The following B3GAT3 variants were observed in gnomAD, a reference collection of about 807,000 sequenced individuals.
B3GAT3 encodes beta-1,3-glucuronyltransferase 3.
A neutral mutation model predicts 33.1 loss-of-function variants in B3GAT3; 19 were observed. The ratio of observed to expected loss-of-function variants is 0.57; its 90% CI spans 0.40 to 0.84. The LOEUF (loss-of-function observed/expected upper bound fraction) is 0.84. Ranked by LOEUF, B3GAT3 falls within the 40% of genes least tolerant of loss-of-function variation. The probability of loss-of-function intolerance (pLI) is 0.00; values close to 1 mark genes in which losing one functional copy is unlikely to be tolerated. For synonymous variants in B3GAT3, 167 were observed against 193.5 expected (o/e 0.86, Z 1.14); for missense variants, 344 against 441.5 (o/e 0.78, Z 1.98).
At position 62,616,262 on chromosome 11, in the gene B3GAT3, CA is replaced by C. The variant is rs1943024552; in HGVS notation, c.909+243del. On this transcript the variant is annotated intron_variant, in intron 4 of 4. Transcript: ENST00000265471. ...CTGTCTGAAAAAAAAAAAAAAACAA[CA>C]AACAGGGCCTTATTCCTTCATCCTC... 1.0e-5 allele frequency: 6 copies of C among 594,988 alleles called. No individual in the cohort carries two copies. The East Asian group carries it at 1.5e-4, about 15-fold the overall frequency. 36.9% of individuals were successfully genotyped at this position (594,988 alleles called of 1,614,324 possible). A position where few individuals can be genotyped will look rare whatever the true frequency, so the allele number is the denominator to read the frequency against.
chr11:62,616,379 G>C, intron 4 of B3GAT3, 127 bp downstream of exon 4: 8 of 1,383,350 alleles, frequency 5.8e-6, no homozygotes, highest in Non-Finnish European at 8.1e-6. Context: ...AGTAGAGTCA[G>C]CAAGGCTGAT....
At chr11:62,620,045 T>TG (rs1460045743) in intron 2 of B3GAT3, among the ~76,000 whole-genome samples, 1 of 152,156 alleles carries the variant, frequency 6.6e-6, no homozygotes, top group Non-Finnish European at 1.5e-5. Flanking sequence ...GTTTTTGAGA[T>TG]GGAGTTTCAC....
intron 1 of B3GAT3, chr11:62,621,284 G>A (rs1943139819): frequency 4.4e-6 from 2 of 456,502 alleles, no homozygotes; most frequent in Admixed American, 2.3e-5. Flanking sequence ...TTTAGTGGAG[G>A]AAGCAGACAC....
At position 62,616,552 on chromosome 11, in the gene B3GAT3, A is replaced by G; in HGVS notation, c.863T>C (p.Leu288Pro). ...TGGCTCCAGGTCCTTGGGATCCACA[A>G]GGTGGCTCAGAAGACTGCTCTCCAG... ...GHLESSLLSH[L>P]VDPKDLEPRA... is the part of the protein sequence containing the mutation. Residue 288 changes from leucine to proline, a missense_variant, in exon 4 of 5, where the codon CTT (leucine) becomes CCT (proline). Transcript: ENST00000265471. 1 of 1,614,234 alleles carries G rather than the reference A, an allele frequency of 6.2e-7. No homozygotes were observed. Among genetic ancestry groups the G allele is most frequent in the Non-Finnish European group, 8.5e-7 (1 of 1,180,038 alleles).
At chr11:62,616,847 C>A (rs757000185) in intron 3 of B3GAT3, 51 bp from the exon 4 acceptor site, 1 of 1,612,790 alleles carries the variant, frequency 6.2e-7, no homozygotes, top group Admixed American at 1.7e-5. Context: ...GGGAAGGGAG[C>A]AGCAGAAAGA....
chr11:62,615,819 G>A lies in B3GAT3; in HGVS notation c.910-20C>T. On this transcript the variant is annotated intron_variant, in intron 4 of 4. Coordinates refer to ENST00000265471, the MANE Select transcript of B3GAT3 (RefSeq NM_012200.4). ...CAGTACCTGTGCCAGGAGGGATGCA[G>A]TGAGAGCCAGGCCCAGCTGCAGCCA... 6.2e-7 allele frequency: 1 copy of A among 1,612,270 alleles called. No homozygotes were observed.
Position 62,620,415 on chromosome 11 carries a change from G to A in B3GAT3, c.257+82C>T. The stretch of plus-strand genomic sequence containing the variant: ...GCTCTAGTTTGAGGAACAACTCCTA[G>A]CCCAGTGCCTCCCCAAACTCCTCAT... On this transcript the variant is annotated intron_variant, in intron 2 of 4. Transcript: ENST00000265471. 4 of 1,320,244 alleles carry A rather than the reference G, an allele frequency of 3.0e-6. No homozygotes were observed. In the South Asian group the frequency reaches 4.9e-5, roughly 16 times the overall value. 81.8% of individuals were successfully genotyped at this position (1,320,244 alleles called of 1,614,324 possible).
chr11:62,619,868 G>A (rs1024439023), intron 2 of B3GAT3, among the ~76,000 whole-genome samples: 9 of 151,128 alleles, frequency 6.0e-5, no homozygotes, highest in Non-Finnish European at 1.2e-4. Context: ...TTAATCAGGG[G>A]GTTTTAACTT....
rs761418638 is a variant in B3GAT3, at chr11:62,617,070, T to C, written c.535A>G (p.Lys179Glu). ...RGRGGAVGGEKDPPPPGTQGV... is the reference protein window; with the variant it reads ...RGRGGAVGGEEDPPPPGTQGV... ...TGGGTCCCTGGTGGTGGTGGGTCCTTCTCCCCACCCACAGCACCCCCTCTG... is the reference window on the plus strand; with the variant it reads ...TGGGTCCCTGGTGGTGGTGGGTCCTCCTCCCCACCCACAGCACCCCCTCTG... Residue 179 changes from lysine to glutamate, a missense_variant, in exon 3 of 5, where the codon AAG (lysine) becomes GAG (glutamate). Physicochemically the swap from Lys to Glu is moderately conservative, Grantham distance 56. Transcript: ENST00000265471. The C allele has an allele frequency of 6.2e-7, 1 of 1,613,950 alleles. No individual in the cohort carries two copies. The highest frequency in any genetic ancestry group is 8.5e-7 in the Non-Finnish European group (1 of 1,179,976).
rs755306273 is a variant in B3GAT3, at chr11:62,620,477, G to C, written c.257+20C>G. The C allele has an allele frequency of 1.2e-6, 2 of 1,610,216 alleles. No individual in the cohort carries two copies. Among genetic ancestry groups the C allele is most frequent in the East Asian group, 2.2e-5 (1 of 44,862 alleles). ...ACTTCTTGGACAACGCAGACCTCTT[G>C]AGTGCACCAGAGCCCATACCTGGCA... is the stretch of plus-strand genomic sequence containing the variant. On this transcript the variant is annotated intron_variant, in intron 2 of 4. Transcript: ENST00000265471.
chr11:62,616,701 G>C lies in B3GAT3; in HGVS notation c.714C>G (p.Gly238=). The C allele has an allele frequency of 6.2e-7, 1 of 1,614,162 alleles. No individual in the cohort carries two copies. ...TGCTGGGCTCCCATGCTGTGTGGAA[G>C]CCCACTACCCGGCCGTCCTGTACCT... is the stretch of plus-strand genomic sequence containing the variant. ...GPQVQDGRVV[G]FHTAWEPSRP... is the part of the protein sequence containing the mutation. The change falls in exon 4 of 5, where the codon GGC becomes GGG. Residue 238 remains glycine, a synonymous_variant. Coordinates refer to ENST00000265471, the MANE Select transcript of B3GAT3 (RefSeq NM_012200.4).
chr11:62,620,286 G>C (rs1303905588), intron 2 of B3GAT3, among the ~76,000 whole-genome samples: 1 of 152,262 alleles, frequency 6.6e-6, no homozygotes, highest in East Asian at 1.9e-4. Context: ...GCCTCCCAAA[G>C]TGCTGGGATT....
chr11:62,618,155 C>T (rs528801379), intron 2 of B3GAT3, among the ~76,000 whole-genome samples: 10 of 109,650 alleles, frequency 9.1e-5, no homozygotes, highest in East Asian at 2.9e-4. Flanking sequence ...CCAGCCTGAG[C>T]GACAAGAGCG....
rs749177138 is a variant in B3GAT3, at chr11:62,616,952, C to T, written c.618+35G>A. 2.5e-6 allele frequency: 4 copies of T among 1,614,098 alleles called. No homozygotes were observed. The South Asian group carries it at 4.4e-5, about 18-fold the overall frequency. On this transcript the variant is annotated intron_variant, in intron 3 of 4. Coordinates refer to ENST00000265471, the MANE Select transcript of B3GAT3 (RefSeq NM_012200.4). ...AAGGTAACGAATGAAGCTGGCCGCA[C>T]CTGGTCTCTTGCCCATCCCCATCCT...
chr11:62,619,717 T>TTTTTTTTTTTTTTTTTA lies in B3GAT3; in HGVS notation c.257+779_257+780insTAAAAAAAAAAAAAAAA, dbSNP rs1943108208. Among the ~76,000 whole-genome samples the TTTTTTTTTTTTTTTTTA allele has an allele frequency of 1.7e-5, 2 of 117,078 alleles. 1 individual carries two copies. The highest frequency in any genetic ancestry group is 3.8e-5 in the Non-Finnish European group (2 of 52,628). The allele number at this position is 117,078 out of a possible 152,430, so 76.8% of individuals were successfully genotyped here. A position where few individuals can be genotyped will look rare whatever the true frequency, so the allele number is the denominator to read the frequency against. On this transcript the variant is annotated intron_variant, in intron 2 of 4. Coordinates refer to ENST00000265471, the MANE Select transcript of B3GAT3 (RefSeq NM_012200.4). ...TAGCTAACTTTTTTTTTTTTTTTTT[T>TTTTTTTTTTTTTTTTTA]TTTTTTTCAGAGACAAGAGTTTCAC... is the stretch of plus-strand genomic sequence containing the variant.
Position 62,620,823 on chromosome 11 carries a change from T to A in B3GAT3, c.83-152A>T, listed in dbSNP as rs1017974321. The A allele has an allele frequency of 1.5e-4, 101 of 694,124 alleles. No individual in the cohort carries two copies. In the South Asian group the frequency reaches 1.9e-3, roughly 13 times the overall value. The allele number at this position is 694,124 out of a possible 1,614,324, so 43.0% of individuals were successfully genotyped here. On this transcript the variant is annotated intron_variant, in intron 1 of 4. Transcript: ENST00000265471. Reference sequence around the variant, plus strand: ...CTAGTAGCCTTTTCTATACCTCTCGTGTGGGAAACTCACTGCCTCAAGCAG... The same window carrying A: ...CTAGTAGCCTTTTCTATACCTCTCGAGTGGGAAACTCACTGCCTCAAGCAG...
intron 2 of B3GAT3, among the ~76,000 whole-genome samples, chr11:62,617,877 CAAAAAAAAAAAAA>C (rs765238565): frequency 1.6e-5 from 1 of 62,460 alleles, no homozygotes; most frequent in African/African-American, 6.7e-5. Context: ...AACTCCATCT[CAAAAAAAAAAAAA>C]AAAGGCCGGG....
chr11:62,616,560 C>A lies in B3GAT3; in HGVS notation c.855G>T (p.Leu285=). The change falls in exon 4 of 5, where the codon CTG becomes CTT. Residue 285 remains leucine, a synonymous_variant. Transcript: ENST00000265471. ...APRGHLESSL[L]SHLVDPKDLE... ...GGTCCTTGGGATCCACAAGGTGGCT[C>A]AGAAGACTGCTCTCCAGGTGGCCCC... 1.2e-6 allele frequency: 2 copies of A among 1,614,232 alleles called. No homozygotes were observed. Among genetic ancestry groups the A allele is most frequent in the Non-Finnish European group, 1.7e-6 (2 of 1,180,046 alleles).
At chr11:62,616,959 T>C (rs748175307) in intron 3 of B3GAT3, 28 bp downstream of exon 3, 2 of 1,614,136 alleles carry the variant, frequency 1.2e-6, no homozygotes, top group South Asian at 1.1e-5. Flanking sequence ...GCACCTGGTC[T>C]CTTGCCCATC....
Sources: gnomAD v4.1 joint callset for allele counts (sites outside exome capture counted in the v4.1 genomes callset) on GRCh38, gnomAD v4.1.1 for gene constraint, MANE v1.5 for transcripts, NCBI Gene and HGNC (gene_info 2026-07-23, HGNC 2026-07-21) for gene names.